CDH23: variants seen among roughly 807,000 people sequenced by gnomAD.
CDH23 encodes the protein cadherin related 23.
CDH23 carries 189 observed loss-of-function variants against 317.1 expected under a neutral mutation model. The ratio of observed to expected loss-of-function variants is 0.60; its 90% CI spans 0.53 to 0.67. CDH23 has a LOEUF of 0.67. CDH23 is among the 30% of genes least tolerant of loss of function. The probability of loss-of-function intolerance (pLI) is 0.00; values close to 1 mark genes in which losing one functional copy is unlikely to be tolerated. For synonymous variants in CDH23, 1,839 were observed against 1,876.8 expected (o/e 0.98, Z 0.52); for missense variants, 4,401 against 4,592.4 (o/e 0.96, Z 1.20).
At chr10:71,597,087 T>C (rs570966805) in intron 9 of CDH23, among the ~76,000 whole-genome samples, 5 of 152,260 alleles carry the variant, frequency 3.3e-5, no homozygotes, top group Admixed American at 1.3e-4. Context: ...CCAGGCAAAG[T>C]GACTGACTTG....
At chr10:71,698,205 T>C (rs1865462762) in intron 22 of CDH23, among the ~76,000 whole-genome samples, 1 of 152,214 alleles carries the variant, frequency 6.6e-6, no homozygotes, top group African/African-American at 2.4e-5. Context: ...GCTTATATGT[T>C]AGTCAAGTTT....
At chr10:71,715,987 G>T (rs1325594724) in intron 28 of CDH23, 1 of 1,493,730 alleles carries the variant, frequency 6.7e-7, no homozygotes, top group Admixed American at 2.5e-5. Context: ...TGTCCTCGGG[G>T]CCCGGCAGGG....
chr10:71,784,700 T>A (rs887676469), intron 42 of CDH23, among the ~76,000 whole-genome samples, 191 bp from the exon 43 acceptor site: 1 of 152,046 alleles, frequency 6.6e-6, no homozygotes, highest in Non-Finnish European at 1.5e-5. Flanking sequence ...TCCCTCATCA[T>A]CCTCTTTTCA....
chr10:71,431,902 C>T (rs1057398503), intron 1 of CDH23, among the ~76,000 whole-genome samples: 1 of 152,230 alleles, frequency 6.6e-6, no homozygotes, highest in Non-Finnish European at 1.5e-5. Context: ...GGAGTTAGGC[C>T]CAGAACTGCC....
At chr10:71,412,306 TC>T (rs1478200436) in intron 1 of CDH23, among the ~76,000 whole-genome samples, 1 of 152,198 alleles carries the variant, frequency 6.6e-6, no homozygotes, top group African/African-American at 2.4e-5. Flanking sequence ...TGCTATCAAT[TC>T]TTTTGAGTGT....
intron 11 of CDH23, among the ~76,000 whole-genome samples, chr10:71,636,756 C>T (rs200100868): frequency 3.9e-5 from 6 of 152,212 alleles, no homozygotes; most frequent in African/African-American, 9.6e-5. Flanking sequence ...ATGAGGGTGA[C>T]GTCCTTCACC....
At chr10:71,578,561 G>A (rs1484937056) in intron 9 of CDH23, among the ~76,000 whole-genome samples, 1 of 152,200 alleles carries the variant, frequency 6.6e-6, no homozygotes, top group Non-Finnish European at 1.5e-5. Flanking sequence ...ACTGACGGCA[G>A]AGATGGTTCC....
chr10:71,586,009 C>T (rs982948985), intron 9 of CDH23, among the ~76,000 whole-genome samples: 5 of 152,178 alleles, frequency 3.3e-5, no homozygotes, highest in African/African-American at 9.7e-5. Context: ...TGTCTCTGTC[C>T]CTTGCTCGGG....
At chr10:71,789,816 C>T (rs573380561) in intron 45 of CDH23, among the ~76,000 whole-genome samples, 3 of 152,346 alleles carry the variant, frequency 2.0e-5, no homozygotes, top group East Asian at 3.9e-4. Context: ...CAGGCCTGTG[C>T]GTGCTCCTGG....
chr10:71,807,716 G>A lies in CDH23; in HGVS notation c.8509G>A (p.Glu2837Lys). Residue 2837 changes from glutamate to lysine, a missense_variant, in exon 59 of 70, where the codon GAG becomes AAG. Physicochemically the swap from Glu to Lys is moderately conservative, Grantham distance 56. Around this residue, in one of 3 missense-constraint regions of CDH23, gnomAD observed 1,144 missense variants for 1,138.2 expected, o/e 1.01. Transcript: ENST00000224721. ...ACTGCAGGAGGTGCGCGTTGTGCTAGAGGACATCAACGACCAGCCACCACG... is the reference window on the plus strand; with the variant it reads ...ACTGCAGGAGGTGCGCGTTGTGCTAAAGGACATCAACGACCAGCCACCACG... The part of the protein sequence containing the change: ...LTLQEVRVVL[E>K]DINDQPPRFT... 6.2e-7 allele frequency: 1 copy of A among 1,611,658 alleles called. No individual in the cohort carries two copies. The highest frequency in any genetic ancestry group is 8.5e-7 in the Non-Finnish European group (1 of 1,178,892).
At chr10:71,562,043 G>A (rs1194735902) in intron 6 of CDH23, among the ~76,000 whole-genome samples, 2 of 152,092 alleles carry the variant, frequency 1.3e-5, no homozygotes, top group Non-Finnish European at 2.9e-5. Flanking sequence ...CTGGAAAGGA[G>A]GAGCCCAACC....
At chr10:71,790,614 G>A in intron 46 of CDH23, 2 of 663,772 alleles carry the variant, frequency 3.0e-6, no homozygotes, top group Non-Finnish European at 5.0e-6. Context: ...GAGGCTTGGA[G>A]ACGATACACA....
chr10:71,732,458 C>T (rs1428042577), intron 32 of CDH23, 83 bp downstream of exon 32: 4 of 1,523,556 alleles, frequency 2.6e-6, no homozygotes, highest in Non-Finnish European at 2.7e-6. Context: ...CAGCACTCTC[C>T]TCTTTGTCAT....
At position 71,668,465 on chromosome 10, in the gene CDH23, G is replaced by A. The variant is rs1317277378; in HGVS notation, c.1450-6647G>A. On this transcript the variant is annotated intron_variant, in intron 14 of 69. Coordinates refer to ENST00000224721, the MANE Select transcript of CDH23 (RefSeq NM_022124.6). The stretch of plus-strand genomic sequence containing the variant: ...AGGAGCAAGGGAGGGGAGGTCTTAA[G>A]AGCACACGCCTTGGAGTTAACCATG... Among the ~76,000 whole-genome samples, 4 of 152,330 alleles carry A rather than the reference G, an allele frequency of 2.6e-5. No individual in the cohort carries two copies. In the East Asian group the frequency reaches 7.7e-4, roughly 29 times the overall value.
At chr10:71,761,507 C>T in intron 38 of CDH23, 3 of 1,400,846 alleles carry the variant, frequency 2.1e-6, no homozygotes, top group Admixed American at 2.7e-5. Context: ...TGCAGCCTCA[C>T]ACTCTGCCCA....
At chr10:71,557,073 C>T (rs1019679878) in intron 6 of CDH23, among the ~76,000 whole-genome samples, 2 of 152,208 alleles carry the variant, frequency 1.3e-5, no homozygotes, top group African/African-American at 2.4e-5. Flanking sequence ...CATAAACACC[C>T]TTCTCTTAAC....
At chr10:71,525,597 A>G (rs1044234768) in intron 6 of CDH23, among the ~76,000 whole-genome samples, 1 of 152,292 alleles carries the variant, frequency 6.6e-6, no homozygotes, top group Middle Eastern at 3.4e-3. Flanking sequence ...GGTAGAGTCC[A>G]GGAACCCAGA....
At chr10:71,420,546 TGA>T in intron 1 of CDH23, among the ~76,000 whole-genome samples, 1 of 125,142 alleles carries the variant, frequency 8.0e-6, no homozygotes, top group African/African-American at 3.2e-5. Flanking sequence ...ATGATGATGG[TGA>T]TATGATGATG....
chr10:71,449,995 C>G (rs747810346), intron 3 of CDH23, among the ~76,000 whole-genome samples: 3 of 152,256 alleles, frequency 2.0e-5, no homozygotes, highest in Non-Finnish European at 4.4e-5. Context: ...CTGCCTTCTC[C>G]TGGTCTGTTC....
Sources: allele counts gnomAD v4.1 joint callset (sites outside exome capture counted in the v4.1 genomes callset), GRCh38; gene constraint gnomAD v4.1.1; regional missense constraint gnomAD v4.1.1; transcripts MANE v1.5; gene names NCBI Gene and HGNC (gene_info 2026-07-23, HGNC 2026-07-21).